The following NPHP4 variants were observed in gnomAD, a reference collection of about 807,000 sequenced individuals.
NPHP4 encodes nephrocystin-4.
In NPHP4, 151 loss-of-function variants were observed where a neutral mutation model predicts 155.8. The ratio of observed to expected loss-of-function variants is 0.97; its 90% confidence interval spans 0.85 to 1.11. The LOEUF is 1.11. Among genes scored for constraint, NPHP4 ranks in the 50% least tolerant of loss-of-function variants. The probability of loss-of-function intolerance (pLI) is 0.00; values close to 1 mark genes in which losing one functional copy is unlikely to be tolerated. For synonymous variants in NPHP4, 845 were observed against 816.8 expected, an observed-to-expected ratio of 1.03 and a Z score of -0.59; for missense variants, 1,956 against 1,925.7, an observed-to-expected ratio of 1.02 and a Z score of -0.29.
intron 2 of NPHP4, among the ~76,000 whole-genome samples, chr1:5,983,845 A>C (rs111717778): frequency 3.9e-5 from 6 of 152,338 alleles, no homozygotes; most frequent in African/African-American, 1.4e-4. Flanking sequence ...GTATAGATGC[A>C]AAGCTTTCTT....
chr1:5,944,037 TA>T lies in NPHP4; in HGVS notation c.1119+3066del, dbSNP rs1016342305. 3.3e-5 allele frequency among the ~76,000 whole-genome samples: 5 copies of T among 149,728 alleles called. No individual in the cohort carries two copies. Among genetic ancestry groups the T allele is most frequent in the Admixed American group, 6.6e-5 (1 of 15,040 alleles). ...AAATTTCCCAAAATAAAAAAGTTTTTAAAAAAAAAAGAAATGTTCATGCCAA... is the reference window on the plus strand; with the variant it reads ...AAATTTCCCAAAATAAAAAAGTTTTTAAAAAAAAAGAAATGTTCATGCCAA... On this transcript the variant is annotated intron_variant, in intron 9 of 29. Transcript: ENST00000378156. The surrounding 1 kb of genome is among the most constrained non-coding windows in gnomAD (Gnocchi z 4.3).
intron 7 of NPHP4, 57 bp downstream of exon 7, chr1:5,952,643 C>T (rs1182061838): frequency 1.2e-5 from 14 of 1,146,094 alleles, no homozygotes; most frequent in Admixed American, 1.1e-4. Flanking sequence ...CTGCCCTACC[C>T]GGGTCCCACC....
intron 3 of NPHP4, among the ~76,000 whole-genome samples, chr1:5,973,983 A>G (rs927201276): frequency 6.6e-6 from 1 of 152,254 alleles, no homozygotes; most frequent in East Asian, 1.9e-4. Flanking sequence ...CAACAGCAAG[A>G]GCACAGGAGC....
rs563700563 is a variant in NPHP4 at position 5,936,124 on chromosome 1, TCAGTA to T, written c.1120-2800_1120-2796del. Among the ~76,000 whole-genome samples the T allele has an allele frequency of 4.2e-3, 644 of 152,356 alleles. 6 individuals are homozygous for T. Among genetic ancestry groups the T allele is most frequent in the African/African-American group, 0.014 (597 of 41,576 alleles). ...TTTCACAGTTCTTTTTGGTTCTCCA[TCAGTA>T]GATGATCTCCTCTGTGCAAAGTATC... On this transcript the variant is annotated intron_variant, in intron 9 of 29. Transcript: ENST00000378156.
chr1:5,976,814 C>A (rs372492654), intron 3 of NPHP4, among the ~76,000 whole-genome samples: 25 of 152,298 alleles, frequency 1.6e-4, no homozygotes, highest in African/African-American at 5.8e-4. Flanking sequence ...ATAATCCAAG[C>A]GCTGGGTGAT....
chr1:5,944,698 G>A lies in NPHP4; in HGVS notation c.1119+2406C>T, dbSNP rs138184958. The stretch of plus-strand genomic sequence containing the variant: ...AAAGTACCAATGACTGGCCGGGCGC[G>A]GTGGTTCACGTCTGGAACCTGAGCA... On this transcript the variant is annotated intron_variant, in intron 9 of 29. Transcript: ENST00000378156. The surrounding 1 kb of genome is among the most constrained non-coding windows in gnomAD (Gnocchi z 4.3). Among the ~76,000 whole-genome samples the A allele has an allele frequency of 3.3e-3, 501 of 152,294 alleles. 1 individual carries two copies. The highest frequency in any genetic ancestry group is 0.012 in the African/African-American group (493 of 41,554).
intron 19 of NPHP4, 104 bp downstream of exon 19, chr1:5,880,010 C>T: frequency 1.5e-6 from 2 of 1,339,650 alleles, no homozygotes; most frequent in South Asian, 2.6e-5. Context: ...GGTGCACACA[C>T]ACACACATGC....
At chr1:5,975,308 C>T (rs1653349462) in intron 3 of NPHP4, among the ~76,000 whole-genome samples, 1 of 152,218 alleles carries the variant, frequency 6.6e-6, no homozygotes, top group Non-Finnish European at 1.5e-5. Context: ...ACAGAACACG[C>T]TGCTCAACAG....
In NPHP4 at chr1:5,992,406, C is replaced by T. The variant is rs1300233732; in HGVS notation, c.-201G>A. 1 of 152,274 alleles carries T rather than the reference C, an allele frequency of 6.6e-6. No homozygotes were observed. Among genetic ancestry groups the T allele is most frequent in the East Asian group, 1.9e-4 (1 of 5,158 alleles). 9.4% of individuals were successfully genotyped at this position (152,274 alleles called of 1,614,324 possible). A position where few individuals can be genotyped will look rare whatever the true frequency, so the allele number is the denominator to read the frequency against. ...GGGGCGCGCCCCGTCCGCTGCCACC[C>T]GCGGGAGGAGCCTCGGAAGGCGGCG... is the stretch of plus-strand genomic sequence containing the variant. On this transcript the variant is annotated 5_prime_UTR_variant, in exon 1 of 30. Transcript: ENST00000378156.
At chr1:5,986,776 T>G (rs902957265) in intron 1 of NPHP4, among the ~76,000 whole-genome samples, 8 of 151,992 alleles carry the variant, frequency 5.3e-5, no homozygotes, top group African/African-American at 1.9e-4. Flanking sequence ...TGGGCCAGAC[T>G]CAGGGCACGA....
At chr1:5,981,923 G>A (rs1013216290) in intron 2 of NPHP4, among the ~76,000 whole-genome samples, 1 of 152,144 alleles carries the variant, frequency 6.6e-6, no homozygotes, top group Admixed American at 6.5e-5. Flanking sequence ...CTGGGTATCA[G>A]AATTATGGTG....
chr1:5,874,862 C>G lies in NPHP4; in HGVS notation c.3044+12G>C. 6.2e-7 allele frequency: 1 copy of G among 1,611,656 alleles called. No individual in the cohort carries two copies. The highest frequency in any genetic ancestry group is 8.5e-7 in the Non-Finnish European group (1 of 1,177,966). ...CTGGGCTGGGGCAGGACGGGCACCA[C>G]TGAGACCTCACCTGAGCTCGGGGTT... On this transcript the variant is annotated intron_variant, in intron 21 of 29. Coordinates refer to ENST00000378156, the MANE Select transcript of NPHP4 (RefSeq NM_015102.5).
intron 23 of NPHP4, among the ~76,000 whole-genome samples, chr1:5,871,492 T>C (rs191359900): frequency 6.6e-6 from 1 of 152,296 alleles, no homozygotes; most frequent in East Asian, 1.9e-4. Context: ...AAGTACAAAG[T>C]ATATTTTAGG....
intron 1 of NPHP4, among the ~76,000 whole-genome samples, chr1:5,990,572 T>C (rs1656086920): frequency 1.3e-5 from 2 of 152,132 alleles, no homozygotes; most frequent in East Asian, 1.9e-4. Context: ...ATTATCGCCA[T>C]CTTACAGATG....
In NPHP4 at chr1:5,933,300, CA is replaced by C; in HGVS notation, c.1148del (p.Leu383ArgfsTer23). 7.4e-6 allele frequency: 12 copies of C among 1,613,278 alleles called. No homozygotes were observed. The South Asian group carries it at 1.1e-4, about 15-fold the overall frequency. ...CCCAGCGGACCATGTGCATGCATGCCAGGTTGGACAGAGAGGTGACCGAAGC... is the reference window on the plus strand; with the variant it reads ...CCCAGCGGACCATGTGCATGCATGCCGGTTGGACAGAGAGGTGACCGAAGC... Reference protein sequence around the residue: ...NAASVTSLSNLACMHMVRWAV... With the variant: ...NAASVTSLSNXACMHMVRWAV... On this transcript the variant is annotated frameshift_variant, in exon 10 of 30. Transcript: ENST00000378156. LOFTEE classifies it high-confidence loss of function.
chr1:5,936,605 A>G (rs561342839), intron 9 of NPHP4, among the ~76,000 whole-genome samples: 6 of 152,396 alleles, frequency 3.9e-5, no homozygotes, highest in African/African-American at 1.4e-4. Context: ...GTACAAATAC[A>G]CAAAAGACAA....
intron 11 of NPHP4, among the ~76,000 whole-genome samples, chr1:5,917,800 C>G (rs1645551675): frequency 6.6e-6 from 1 of 152,122 alleles, no homozygotes; most frequent in Non-Finnish European, 1.5e-5. Flanking sequence ...TCCCCAGTCC[C>G]CTTGTGACTT....
At chr1:5,870,875 A>T (rs563410878) in intron 23 of NPHP4, among the ~76,000 whole-genome samples, 1 of 152,356 alleles carries the variant, frequency 6.6e-6, no homozygotes, top group South Asian at 2.1e-4. Context: ...CAGCCACGCC[A>T]GAAGGACTCC....
At position 5,952,543 on chromosome 1, in the gene NPHP4, A is replaced by C. The variant is rs148932581; in HGVS notation, c.810+157T>G. On this transcript the variant is annotated intron_variant, in intron 7 of 29. Transcript: ENST00000378156. ...ACAGGGCCCTCCTCAGCAGCATCAGATGCGGGGTCTCCCCTGCCCCACCCA... is the reference window on the plus strand; with the variant it reads ...ACAGGGCCCTCCTCAGCAGCATCAGCTGCGGGGTCTCCCCTGCCCCACCCA... 5.2e-3 allele frequency among the ~76,000 whole-genome samples: 780 copies of C among 151,006 alleles called. 8 individuals carry two copies. Among genetic ancestry groups the C allele is most frequent in the African/African-American group, 0.017 (689 of 41,004 alleles).
Sources: allele counts gnomAD v4.1 joint callset (sites outside exome capture counted in the v4.1 genomes callset), GRCh38; gene constraint gnomAD v4.1.1; non-coding constraint Gnocchi (gnomAD v3.1); transcripts MANE v1.5; gene names NCBI Gene and HGNC (gene_info 2026-07-23, HGNC 2026-07-21).